The following PACRG variants were observed in gnomAD, a reference collection of about 807,000 sequenced individuals.
PACRG encodes the protein parkin coregulated gene protein.
PACRG carries 29 observed loss-of-function variants against 29.7 expected under a neutral mutation model. That is an observed-to-expected ratio of 0.98 (90% confidence interval 0.73 to 1.33). PACRG has a LOEUF of 1.33. Among genes scored for constraint, PACRG ranks in the 40% most tolerant of loss-of-function variants. PACRG has a pLI of 0.00. For synonymous variants in PACRG, 116 were observed against 118.7 expected (o/e 0.98, Z 0.15); for missense variants, 279 against 316.2 (o/e 0.88, Z 0.89).
At chr6:163,104,470 A>G (rs75873920) in intron 4 of PACRG, among the ~76,000 whole-genome samples, 1,581 of 152,294 alleles carry the variant, frequency 0.01, 31 homozygotes, top group African/African-American at 0.037. Context: ...TTGGCTCATG[A>G]TTCTGGAGGC....
intron 2 of PACRG, among the ~76,000 whole-genome samples, chr6:162,960,540 T>C (rs575472855): frequency 6.6e-6 from 1 of 152,286 alleles, no homozygotes; most frequent in Admixed American, 6.5e-5. Flanking sequence ...CTTTTATAAG[T>C]GAGAGCTAAA....
chr6:163,174,010 T>C (rs898978391), intron 4 of PACRG, among the ~76,000 whole-genome samples: 1 of 152,226 alleles, frequency 6.6e-6, no homozygotes, highest in South Asian at 2.1e-4. Flanking sequence ...GACTACTCTG[T>C]GCAAGAAAAT....
intron 2 of PACRG, among the ~76,000 whole-genome samples, chr6:162,886,268 T>C (rs1229351068): frequency 6.6e-6 from 1 of 152,172 alleles, no homozygotes; most frequent in Non-Finnish European, 1.5e-5. Flanking sequence ...GTCTCTGTTG[T>C]GGCTCTCCTT....
intron 2 of PACRG, among the ~76,000 whole-genome samples, chr6:162,961,356 G>A (rs1800601058): frequency 6.6e-6 from 1 of 152,188 alleles, no homozygotes; most frequent in Non-Finnish European, 1.5e-5. Flanking sequence ...CTCACTCCAA[G>A]GGTGTCACAG....
intron 1 of PACRG, among the ~76,000 whole-genome samples, chr6:162,801,486 A>G (rs1386546558): frequency 6.6e-6 from 1 of 152,214 alleles, no homozygotes; most frequent in African/African-American, 2.4e-5. Context: ...AAAATGCATC[A>G]TAAGTTATTT....
chr6:162,849,625 C>A (rs928023202), intron 2 of PACRG, among the ~76,000 whole-genome samples: 6 of 152,206 alleles, frequency 3.9e-5, no homozygotes, highest in Non-Finnish European at 8.8e-5. Flanking sequence ...GAGGCTTACT[C>A]TTCTTGAATT....
chr6:163,008,557 C>T (rs1038196608), intron 2 of PACRG, among the ~76,000 whole-genome samples: 4 of 150,930 alleles, frequency 2.7e-5, no homozygotes, highest in Non-Finnish European at 5.9e-5. Flanking sequence ...GACAAAGGAT[C>T]GTTTGTGTCA....
chr6:163,276,379 A>C (rs2128182191), intron 4 of PACRG, among the ~76,000 whole-genome samples: 1 of 152,218 alleles, frequency 6.6e-6, no homozygotes, highest in African/African-American at 2.4e-5. Context: ...TATATCCAAT[A>C]ATTGGCATTT....
intron 2 of PACRG, among the ~76,000 whole-genome samples, chr6:162,912,465 G>A (rs1584737729): frequency 1.3e-5 from 2 of 152,084 alleles, no homozygotes; most frequent in South Asian, 2.1e-4. Context: ...TTGCCAGCAT[G>A]TAGCAGCTTT....
intron 4 of PACRG, among the ~76,000 whole-genome samples, chr6:163,200,630 G>A (rs1780658220): frequency 6.6e-6 from 1 of 152,004 alleles, no homozygotes; most frequent in Non-Finnish European, 1.5e-5. Context: ...TTTTCTCCAA[G>A]GAAGGTCAAA....
rs941180110 is a variant in PACRG, at chr6:162,758,224, T to A, written c.156+29833T>A. Among the ~76,000 whole-genome samples the A allele has an allele frequency of 2.6e-5, 4 of 152,336 alleles. No homozygotes were observed. The East Asian group carries it at 7.7e-4, about 29-fold the overall frequency. ...TTACATGTCATTATTTTTCTTGATC[T>A]ATTACCTTTTTTAAAATGAACTATT... is the stretch of plus-strand genomic sequence containing the variant. On this transcript the variant is annotated intron_variant, in intron 1 of 4. Coordinates refer to ENST00000366888, the MANE Select transcript of PACRG (RefSeq NM_001080379.2).
At chr6:162,985,956 A>G (rs1802848595) in intron 2 of PACRG, among the ~76,000 whole-genome samples, 1 of 128,560 alleles carries the variant, frequency 7.8e-6, no homozygotes, top group Non-Finnish European at 1.7e-5. Flanking sequence ...CCCTTTCACA[A>G]TAGCTGCAAA....
chr6:163,253,991 C>T (rs1231657393), intron 4 of PACRG, among the ~76,000 whole-genome samples: 3 of 152,106 alleles, frequency 2.0e-5, no homozygotes, highest in African/African-American at 7.2e-5. Context: ...GCCTTGGGGA[C>T]AAGGGAGGAT....
intron 2 of PACRG, among the ~76,000 whole-genome samples, chr6:162,961,683 A>G (rs1800630090): frequency 6.6e-6 from 1 of 152,102 alleles, no homozygotes; most frequent in African/African-American, 2.4e-5. Context: ...ACTGGAATCG[A>G]TGAGTCAGTC....
intron 3 of PACRG, among the ~76,000 whole-genome samples, chr6:163,078,173 A>G (rs894903655): frequency 6.6e-6 from 1 of 152,156 alleles, no homozygotes; most frequent in Admixed American, 6.5e-5. Flanking sequence ...GTCCAAGTTA[A>G]CTACCTGGAG....
chr6:162,856,383 G>A (rs1184975872), intron 2 of PACRG, among the ~76,000 whole-genome samples: 3 of 152,152 alleles, frequency 2.0e-5, no homozygotes, highest in Non-Finnish European at 4.4e-5. Context: ...GCATATAGCC[G>A]TGGAAGTGCT....
chr6:163,166,156 A>C (rs748329522), intron 4 of PACRG: 1 of 456,244 alleles, frequency 2.2e-6, no homozygotes, highest in Non-Finnish European at 4.4e-6. Context: ...CGCCCGGCAC[A>C]TGTGAAAGGG....
intron 2 of PACRG, among the ~76,000 whole-genome samples, chr6:162,930,223 A>T (rs923784216): frequency 2.0e-5 from 3 of 151,896 alleles, no homozygotes; most frequent in Non-Finnish European, 4.4e-5. Flanking sequence ...CCAATCCATG[A>T]GCATGGAGTA....
intron 4 of PACRG, among the ~76,000 whole-genome samples, chr6:163,230,765 G>C: frequency 1.3e-5 from 2 of 152,236 alleles, no homozygotes; most frequent in Non-Finnish European, 2.9e-5. Flanking sequence ...ATGCCGAACT[G>C]CTGTAGGTGC....
Sources: allele counts gnomAD v4.1 joint callset (sites outside exome capture counted in the v4.1 genomes callset), GRCh38; gene constraint gnomAD v4.1.1; transcripts MANE v1.5; gene names NCBI Gene and HGNC (gene_info 2026-07-23, HGNC 2026-07-21).